Variants in LINGO2 observed in about 807,000 individuals in gnomAD.
The protein encoded by LINGO2 is leucine-rich repeat and immunoglobulin-like domain-containing nogo receptor-interacting protein 2.
LINGO2 carries 14 observed loss-of-function variants against 30.6 expected under a neutral mutation model. That is an observed-to-expected ratio of 0.46 (90% confidence interval 0.30 to 0.72). The LOEUF (loss-of-function observed/expected upper bound fraction) is 0.72, where lower values mean the gene tolerates loss of function less well. LINGO2 is among the 30% of genes least tolerant of loss of function. LINGO2 has a pLI of 0.07. For synonymous variants in LINGO2, 317 were observed against 288.5 expected (o/e 1.10, Z -1.00); for missense variants, 729 against 751.7 (o/e 0.97, Z 0.35).
chr9:29,043,936 C>A, the LINGO2 span, among the ~76,000 whole-genome samples: 1 of 152,134 alleles, frequency 6.6e-6, no homozygotes, highest in East Asian at 1.9e-4. Flanking sequence ...AACCTGAGTT[C>A]TTTTTAACTC....
the LINGO2 span, among the ~76,000 whole-genome samples, chr9:28,718,436 A>T: frequency 3.1e-4 from 47 of 152,144 alleles, no homozygotes; most frequent in African/African-American, 1.1e-3. Context: ...CTTCAACCAA[A>T]CATTGCTATC....
At chr9:28,019,932 T>C (rs1823030955) in intron 4 of LINGO2, among the ~76,000 whole-genome samples, 1 of 152,096 alleles carries the variant, frequency 6.6e-6, no homozygotes, top group South Asian at 2.1e-4. Flanking sequence ...TTAGCCAATC[T>C]TCAGAATCCT....
chr9:28,584,496 G>T (rs534005979), intron 1 of LINGO2, among the ~76,000 whole-genome samples: 218 of 152,064 alleles, frequency 1.4e-3, no homozygotes, highest in African/African-American at 4.3e-3. Context: ...GAAGAGCGGT[G>T]TTATTGCAGT....
intron 1 of LINGO2, among the ~76,000 whole-genome samples, chr9:28,543,737 A>T (rs939405681): frequency 6.6e-6 from 1 of 152,096 alleles, no homozygotes; most frequent in African/African-American, 2.4e-5. Flanking sequence ...TAAATAAAAC[A>T]TATTTCCTTG....
chr9:28,652,626 C>T (rs1490110282), intron 1 of LINGO2, among the ~76,000 whole-genome samples: 1 of 151,296 alleles, frequency 6.6e-6, no homozygotes, highest in Non-Finnish European at 1.5e-5. Context: ...AATAAGCATA[C>T]AGAATACACA....
the LINGO2 span, among the ~76,000 whole-genome samples, chr9:28,737,265 T>C: frequency 1.3e-5 from 2 of 152,148 alleles, no homozygotes; most frequent in African/African-American, 4.8e-5. Context: ...CAAGCCTTGG[T>C]GCCAGATATG....
intron 1 of LINGO2, among the ~76,000 whole-genome samples, chr9:28,482,894 A>G (rs1826033014): frequency 6.6e-6 from 1 of 152,230 alleles, no homozygotes; most frequent in East Asian, 1.9e-4. Context: ...TAAAAACCCT[A>G]GAAGAAAACC....
At chr9:28,463,455 G>T (rs943137384) in intron 2 of LINGO2, among the ~76,000 whole-genome samples, 1 of 152,000 alleles carries the variant, frequency 6.6e-6, no homozygotes, top group Non-Finnish European at 1.5e-5. Flanking sequence ...TTCCAATTTT[G>T]CCCATGGATA....
chr9:29,000,470 A>C, the LINGO2 span, among the ~76,000 whole-genome samples: 1 of 151,914 alleles, frequency 6.6e-6, no homozygotes, highest in Admixed American at 6.6e-5. Flanking sequence ...ATTTGAGCAC[A>C]CCAATTATCC....
At chr9:28,113,321 G>C (rs1434766698) in intron 4 of LINGO2, among the ~76,000 whole-genome samples, 1 of 85,382 alleles carries the variant, frequency 1.2e-5, no homozygotes, top group Admixed American at 1.5e-4. Flanking sequence ...TAGCCTTGTA[G>C]TATAGTTTGA....
intron 4 of LINGO2, among the ~76,000 whole-genome samples, chr9:28,061,069 T>C (rs960550840): frequency 1.3e-5 from 2 of 151,860 alleles, no homozygotes; most frequent in Admixed American, 1.3e-4. Flanking sequence ...CTTGATACAA[T>C]CGTCATACTC....
chr9:28,726,256 G>C, the LINGO2 span, among the ~76,000 whole-genome samples: 1 of 152,060 alleles, frequency 6.6e-6, no homozygotes, highest in Non-Finnish European at 1.5e-5. Flanking sequence ...ATGAACATGA[G>C]TGGAAAATGG....
chr9:28,554,015 G>A (rs1443715245), intron 1 of LINGO2, among the ~76,000 whole-genome samples: 1 of 151,944 alleles, frequency 6.6e-6, no homozygotes, highest in African/African-American at 2.4e-5. Flanking sequence ...ACTTAGAAAG[G>A]AACAACTGGT....
At chr9:28,396,912 G>C (rs147891277) in intron 2 of LINGO2, among the ~76,000 whole-genome samples, 1 of 152,086 alleles carries the variant, frequency 6.6e-6, no homozygotes, top group East Asian at 1.9e-4. Flanking sequence ...TAAGAGTTCA[G>C]ATTTACTCTA....
chr9:29,151,023 G>A, the LINGO2 span, among the ~76,000 whole-genome samples: 7 of 151,938 alleles, frequency 4.6e-5, no homozygotes, highest in Non-Finnish European at 7.4e-5. Flanking sequence ...ATAGGTCAGG[G>A]CACTTACAAA....
At chr9:28,192,402 G>A (rs1375844393) in intron 4 of LINGO2, among the ~76,000 whole-genome samples, 1 of 151,974 alleles carries the variant, frequency 6.6e-6, no homozygotes, top group African/African-American at 2.4e-5. Flanking sequence ...TTTAGCATAA[G>A]CAACTTTCTT....
At chr9:28,380,390 G>GTT (rs35512653) in intron 2 of LINGO2, among the ~76,000 whole-genome samples, 31,588 of 144,638 alleles carry the variant, frequency 0.22, 3,756 homozygotes, top group East Asian at 0.3. Flanking sequence ...GACTATAAAG[G>GTT]TTTTTTTTTT....
chr9:29,158,612 A>G, the LINGO2 span, among the ~76,000 whole-genome samples: 4 of 152,254 alleles, frequency 2.6e-5, no homozygotes, highest in African/African-American at 9.6e-5. Context: ...CTATTGTGGA[A>G]GAAGGGAGAA....
At chr9:28,247,612 T>TG (rs1255080921) in intron 4 of LINGO2, among the ~76,000 whole-genome samples, 2 of 151,928 alleles carry the variant, frequency 1.3e-5, no homozygotes, top group African/African-American at 4.8e-5. Context: ...AGGGACAAAG[T>TG]GGGGGAGAGC....
Sources: allele counts gnomAD v4.1 joint callset (sites outside exome capture counted in the v4.1 genomes callset), GRCh38; gene constraint gnomAD v4.1.1; transcripts MANE v1.5; gene names NCBI Gene and HGNC (gene_info 2026-07-23, HGNC 2026-07-21).